FRMPD1: variants seen among roughly 807,000 people sequenced by gnomAD.
The protein encoded by FRMPD1 is FERM and PDZ domain-containing protein 1.
Under a neutral mutation model 117.8 loss-of-function variants are expected in FRMPD1, and 76 were observed. The observed-to-expected ratio is 0.65, with a 90% CI of 0.54 to 0.78. FRMPD1 has a LOEUF of 0.78. Among genes scored for constraint, FRMPD1 ranks in the 30% least tolerant of loss-of-function variants. The probability of loss-of-function intolerance (pLI) is 0.00; values close to 1 mark genes in which losing one functional copy is unlikely to be tolerated. For missense variants in FRMPD1, 1,786 were observed against 1,964.5 expected (o/e 0.91, Z 1.72); for synonymous variants, 783 against 770.4 (o/e 1.02, Z -0.27).
At chr9:37,727,409 C>T (rs1352822001) in intron 7 of FRMPD1, among the ~76,000 whole-genome samples, 2 of 152,084 alleles carry the variant, frequency 1.3e-5, no homozygotes, top group African/African-American at 4.8e-5. Context: ...ACCTTAATTA[C>T]AAAAACAGGC....
rs1309735290 is a variant in FRMPD1, at chr9:37,740,507, A to C, written c.1979A>C (p.Asp660Ala). Residue 660 changes from aspartate to alanine, a missense_variant, in exon 15 of 16, where the codon GAC (aspartate) becomes GCC (alanine). Asp to Ala is a moderately radical substitution (Grantham distance 126). Transcript: ENST00000377765. The surrounding 1 kb of genome is among the most constrained non-coding windows in gnomAD (Gnocchi z 4.2). The stretch of plus-strand genomic sequence containing the variant: ...ACCAGTGGCTTCCTCTGTCTCCTGG[A>C]CCTGGCCCAGAGAGCCAACCCCCAG... ...IETSGFLCLL[D>A]LAQRANPQCQ... 9 of 1,614,024 alleles carry C rather than the reference A, an allele frequency of 5.6e-6. No individual in the cohort carries two copies. The highest frequency in any genetic ancestry group is 7.6e-6 in the Non-Finnish European group (9 of 1,179,996).
At chr9:37,637,073 G>C in the FRMPD1 span, 1 of 1,555,872 alleles carries the variant, frequency 6.4e-7, no homozygotes, top group Non-Finnish European at 8.9e-7. Context: ...GTAGCTGGAA[G>C]TGATGGTCCA....
intron 1 of FRMPD1, among the ~76,000 whole-genome samples, chr9:37,676,668 C>CTGACAACGGG (rs1821539492): frequency 6.6e-6 from 1 of 152,080 alleles, no homozygotes; most frequent in Non-Finnish European, 1.5e-5. Flanking sequence ...CCAGAGTGGC[C>CTGACAACGGG]CGTTGGCCTG....
rs1326874767 is a variant in FRMPD1, at chr9:37,733,470, C to G, written c.996-3C>G. 6.2e-7 allele frequency: 1 copy of G among 1,612,472 alleles called. No homozygotes were observed. Among genetic ancestry groups the G allele is most frequent in the Non-Finnish European group, 8.5e-7 (1 of 1,179,320 alleles). ...CCTCCTTGTCTCCAATGTCTCATGG[C>G]AGGAAAGACTGGGGAATAGAGAACT... On this transcript the variant is annotated splice_polypyrimidine_tract_variant and splice_region_variant and intron_variant, in intron 10 of 15. Transcript: ENST00000377765.
At chr9:37,650,500 C>T (rs941641772), upstream of FRMPD1, among the ~76,000 whole-genome samples, 1 of 151,558 alleles carries the variant, frequency 6.6e-6, no homozygotes, top group Non-Finnish European at 1.5e-5. Context: ...CAGCCGAACA[C>T]CTGCGGGGCG....
the FRMPD1 span, among the ~76,000 whole-genome samples, chr9:37,620,278 T>C: frequency 0.026 from 4,030 of 152,290 alleles, 176 homozygotes; most frequent in African/African-American, 0.09. Flanking sequence ...GAAGGAGCAG[T>C]GGCTTGGCAT....
intron 1 of FRMPD1, among the ~76,000 whole-genome samples, chr9:37,689,057 G>A (rs1822046824): frequency 6.6e-6 from 1 of 151,948 alleles, no homozygotes; most frequent in Non-Finnish European, 1.5e-5. Context: ...CTTCTTAGAA[G>A]CTCTTTCAAC....
chr9:37,744,524 A>G lies in FRMPD1; in HGVS notation c.2492A>G (p.Tyr831Cys). The change falls in exon 16 of 16, where the codon TAT becomes TGT. Residue 831 changes from tyrosine to cysteine, a missense_variant. Transcript: ENST00000377765. ...QPSRRGGVKK[Y>C]AKTLRKRRSF... ...AGCAGGAGGGGAGGGGTGAAGAAAT[A>G]TGCCAAGACCCTGAGGAAAAGAAGG... 1 of 1,614,164 alleles carries G rather than the reference A, an allele frequency of 6.2e-7. No homozygotes were observed. The highest frequency in any genetic ancestry group is 8.5e-7 in the Non-Finnish European group (1 of 1,180,014).
At chr9:37,683,091 C>T (rs764414255) in intron 1 of FRMPD1, among the ~76,000 whole-genome samples, 1 of 152,208 alleles carries the variant, frequency 6.6e-6, no homozygotes, top group African/African-American at 2.4e-5. Context: ...TATCTCTATA[C>T]ATTTACCCGT....
At position 37,660,384 on chromosome 9, in the gene FRMPD1, A is replaced by G. The variant is rs77473244; in HGVS notation, c.-5+9290A>G. On this transcript the variant is annotated intron_variant, in intron 1 of 15. Coordinates refer to ENST00000377765, the MANE Select transcript of FRMPD1 (RefSeq NM_014907.3). ...TGACTAGGAGATAAAGAAGAGAAAG[A>G]TGGATAGAACAGTGTATCCAAAGTT... 5.3e-3 allele frequency among the ~76,000 whole-genome samples: 807 copies of G among 152,150 alleles called. 5 individuals carry two copies. The highest frequency in any genetic ancestry group is 0.019 in the African/African-American group (776 of 41,482).
chr9:37,746,457 T>C lies in FRMPD1; in HGVS notation c.4425T>C (p.His1475=), dbSNP rs1314681373. 5 of 1,613,634 alleles carry C rather than the reference T, an allele frequency of 3.1e-6. No homozygotes were observed. The highest frequency in any genetic ancestry group is 4.2e-6 in the Non-Finnish European group (5 of 1,180,042). ...GSQKLLSSCR[H]VIRMDQSPEE... Reference sequence around the variant, plus strand: ...AGAAGCTCCTGTCGAGCTGTCGGCATGTGATCAGAATGGACCAGTCCCCCG... The same window carrying C: ...AGAAGCTCCTGTCGAGCTGTCGGCACGTGATCAGAATGGACCAGTCCCCCG... The change falls in exon 16 of 16, where the codon CAT becomes CAC. Residue 1475 remains histidine (H), a synonymous_variant. Coordinates refer to ENST00000377765, the MANE Select transcript of FRMPD1 (RefSeq NM_014907.3).
intron 2 of FRMPD1, among the ~76,000 whole-genome samples, chr9:37,698,783 G>A (rs1318921840): frequency 1.3e-5 from 2 of 151,848 alleles, no homozygotes; most frequent in African/African-American, 4.8e-5. Flanking sequence ...TTGTTGCCCA[G>A]GCTGCGGTGC....
rs769520391 is a variant in FRMPD1 at position 37,707,539 on chromosome 9, G to A, written c.225G>A (p.Glu75=). The change falls in exon 3 of 16, where the codon GAG becomes GAA. Residue 75 remains glutamate, a synonymous_variant. Coordinates refer to ENST00000377765, the MANE Select transcript of FRMPD1 (RefSeq NM_014907.3). ...LLQDYGFHIS[E]SLPLTVVAVT... ...AGGACTATGGATTTCACATTTCTGA[G>A]AGCCTTCCCCTTACAGTGGTGGCTG... 6.2e-7 allele frequency: 1 copy of A among 1,614,040 alleles called. No homozygotes were observed. The highest frequency in any genetic ancestry group is 8.5e-7 in the Non-Finnish European group (1 of 1,179,910).
At chr9:37,663,711 A>G (rs1052711382) in intron 1 of FRMPD1, among the ~76,000 whole-genome samples, 4 of 152,180 alleles carry the variant, frequency 2.6e-5, no homozygotes, top group Admixed American at 6.5e-5. Flanking sequence ...GATTGGTTCC[A>G]GGACCCCACT....
chr9:37,603,685 G>T, the FRMPD1 span, among the ~76,000 whole-genome samples: 6 of 151,646 alleles, frequency 4.0e-5, no homozygotes, highest in Non-Finnish European at 8.8e-5. Flanking sequence ...GTTTTGTTTT[G>T]TTTTGTTTTT....
intron 6 of FRMPD1, among the ~76,000 whole-genome samples, chr9:37,720,660 C>T (rs1234300427): frequency 1.3e-5 from 2 of 150,838 alleles, no homozygotes; most frequent in East Asian, 3.9e-4. Context: ...CAAAGCCAGA[C>T]TCCATCTCAA....
intron 1 of FRMPD1, among the ~76,000 whole-genome samples, chr9:37,663,121 G>T (rs1821049536): frequency 6.6e-6 from 1 of 152,134 alleles, no homozygotes; most frequent in African/African-American, 2.4e-5. Context: ...AGTGTTGACA[G>T]CCTAGGGGTA....
At chr9:37,644,179 A>C in the FRMPD1 span, among the ~76,000 whole-genome samples, 1,379 of 152,344 alleles carry the variant, frequency 9.1e-3, 16 homozygotes, top group Non-Finnish European at 0.014. Flanking sequence ...CTACAGAGGC[A>C]GGTCTTGACA....
intron 1 of FRMPD1, among the ~76,000 whole-genome samples, chr9:37,685,381 C>T (rs180980064): frequency 7.6e-4 from 115 of 152,162 alleles, no homozygotes; most frequent in East Asian, 7.3e-3. Flanking sequence ...CAGTGGCTCA[C>T]GCCTGTAATC....
Sources: gnomAD v4.1 joint callset for allele counts (sites outside exome capture counted in the v4.1 genomes callset) on GRCh38, gnomAD v4.1.1 for gene constraint, Gnocchi (gnomAD v3.1) non-coding constraint, MANE v1.5 for transcripts, NCBI Gene and HGNC (gene_info 2026-07-23, HGNC 2026-07-21) for gene names.